Variants in DNAJC6 observed in about 807,000 individuals in gnomAD.
DNAJC6 encodes the protein DnaJ heat shock protein family (Hsp40) member C6.
In DNAJC6, 34 loss-of-function variants were observed where a neutral mutation model predicts 110.0. That is an observed-to-expected ratio of 0.31 (90% CI 0.24 to 0.41). DNAJC6 has a LOEUF of 0.41. Ranked by LOEUF, DNAJC6 falls within the 10% of genes least tolerant of loss-of-function variation. The pLI is 1.00. For synonymous variants in DNAJC6, 406 were observed against 437.2 expected (o/e 0.93, Z 0.89); for missense variants, 1,031 against 1,207.8 (o/e 0.85, Z 2.17).
At chr1:65,310,844 A>C (rs555910698) in intron 1 of DNAJC6, among the ~76,000 whole-genome samples, 1 of 152,260 alleles carries the variant, frequency 6.6e-6, no homozygotes, top group South Asian at 2.1e-4. Context: ...AGATATTTAT[A>C]ATTGAAGTCC....
At chr1:65,306,972 TTCTC>T (rs144458447), upstream of DNAJC6, among the ~76,000 whole-genome samples, 1,638 of 90,126 alleles carry the variant, frequency 0.018, 21 homozygotes, top group East Asian at 0.033. Flanking sequence ...CTCAATCTGT[TTCTC>T]TCTCTCTCTC....
chr1:65,271,811 G>A (rs1169142982), intron 1 of DNAJC6, among the ~76,000 whole-genome samples: 2 of 150,260 alleles, frequency 1.3e-5, no homozygotes, highest in East Asian at 3.9e-4. Context: ...GGAGATTGCA[G>A]TGAGCCAAGA....
At chr1:65,355,670 C>T (rs1363913009) in intron 1 of DNAJC6, among the ~76,000 whole-genome samples, 1 of 152,162 alleles carries the variant, frequency 6.6e-6, no homozygotes, top group African/African-American at 2.4e-5. Flanking sequence ...AGTCCTCCTA[C>T]CAGGCACCAG....
chr1:65,394,922 C>T lies in DNAJC6; in HGVS notation c.1928C>T (p.Ala643Val). The T allele has an allele frequency of 1.2e-6, 2 of 1,603,774 alleles. No homozygotes were observed. Among genetic ancestry groups the T allele is most frequent in the East Asian group, 2.3e-5 (1 of 44,170 alleles). Residue 643 changes from alanine to valine, a missense_variant, in exon 13 of 19, where the codon GCA (alanine) becomes GTA (valine). Transcript: ENST00000371069. Reference protein sequence around the residue: ...GEGATFDPFGAPSKPSGQDLL... With the variant: ...GEGATFDPFGVPSKPSGQDLL... Reference sequence around the variant, plus strand: ...GGTGCCACCTTTGACCCATTTGGAGCACCTTCTAAACCATCAGGTCAGGAT... The same window carrying T: ...GGTGCCACCTTTGACCCATTTGGAGTACCTTCTAAACCATCAGGTCAGGAT...
intron 1 of DNAJC6, among the ~76,000 whole-genome samples, chr1:65,343,858 C>T (rs1378896957): frequency 1.3e-5 from 2 of 152,152 alleles, no homozygotes; most frequent in African/African-American, 2.4e-5. Flanking sequence ...TGTGCCATTA[C>T]ATCTCAGACG....
In DNAJC6 at chr1:65,264,922, T is replaced by C. The variant is rs148507710; in HGVS notation, c.-141T>C. The C allele has an allele frequency of 1.2e-4, 195 of 1,613,294 alleles. No homozygotes were observed. The African/African-American group carries it at 2.3e-3, about 19-fold the overall frequency. ...GGAGGAAGCAGAGAATGAAAGATTC[T>C]GAAAATAAAGGTAAGGGGCGGACTG... On this transcript the variant is annotated 5_prime_UTR_variant, in exon 1 of 20. Transcript: ENST00000263441.
chr1:65,376,360 T>A (rs1645766760), intron 4 of DNAJC6, among the ~76,000 whole-genome samples: 2 of 152,002 alleles, frequency 1.3e-5, no homozygotes, highest in African/African-American at 4.8e-5. Flanking sequence ...TGTCGAAATT[T>A]TTTTCTTTTT....
At chr1:65,297,712 G>C (rs746272782) in intron 1 of DNAJC6, among the ~76,000 whole-genome samples, 3 of 152,182 alleles carry the variant, frequency 2.0e-5, no homozygotes, top group Non-Finnish European at 2.9e-5. Flanking sequence ...TGCCCATGTA[G>C]GACTAATAAA....
chr1:65,407,952 T>A (rs1352854547), intron 16 of DNAJC6, among the ~76,000 whole-genome samples: 1 of 152,242 alleles, frequency 6.6e-6, no homozygotes, highest in East Asian at 1.9e-4. Flanking sequence ...GGCACTGTTC[T>A]AAGCATTTTA....
intron 1 of DNAJC6, among the ~76,000 whole-genome samples, chr1:65,313,114 G>A (rs1010114031): frequency 6.6e-6 from 1 of 152,008 alleles, no homozygotes. Context: ...GTGCAGTGGT[G>A]TGATCATGGC....
intron 17 of DNAJC6, among the ~76,000 whole-genome samples, chr1:65,409,987 C>A (rs959916129): frequency 1.3e-5 from 2 of 151,924 alleles, no homozygotes; most frequent in African/African-American, 2.4e-5. Context: ...TATGGACAGG[C>A]GGATGCGGAT....
intron 5 of DNAJC6, among the ~76,000 whole-genome samples, chr1:65,380,681 T>C (rs1353651745): frequency 6.6e-6 from 1 of 152,064 alleles, no homozygotes; most frequent in South Asian, 2.1e-4. Flanking sequence ...GACAACTTGA[T>C]GGAGGAAAGA....
At chr1:65,372,746 T>A (rs1289420642) in intron 4 of DNAJC6, among the ~76,000 whole-genome samples, 2 of 152,142 alleles carry the variant, frequency 1.3e-5, no homozygotes, top group Non-Finnish European at 2.9e-5. Context: ...TGAAAAAAGC[T>A]GTAATAGATG....
intron 1 of DNAJC6, among the ~76,000 whole-genome samples, chr1:65,339,463 C>T (rs12403300): frequency 0.05 from 7,555 of 152,166 alleles, 308 homozygotes; most frequent in East Asian, 0.18. Flanking sequence ...ATAGTAATGG[C>T]GTGTACATTA....
chr1:65,385,285 G>C (rs4593866), intron 6 of DNAJC6, among the ~76,000 whole-genome samples: 102,287 of 152,114 alleles, frequency 0.67, 35,554 homozygotes, highest in African/African-American at 0.87. Flanking sequence ...AGATAACATT[G>C]ATTTTTCTTT....
intron 5 of DNAJC6, among the ~76,000 whole-genome samples, chr1:65,383,924 A>T (rs1645846287): frequency 6.6e-6 from 1 of 152,376 alleles, no homozygotes; most frequent in East Asian, 1.9e-4. Context: ...TTTGAAGATT[A>T]TATTATTTTT....
At chr1:65,380,242 C>T (rs529813349) in intron 5 of DNAJC6, among the ~76,000 whole-genome samples, 4 of 152,270 alleles carry the variant, frequency 2.6e-5, no homozygotes, top group African/African-American at 4.8e-5. Flanking sequence ...AACTTTTGTA[C>T]TGCAGGCATA....
intron 1 of DNAJC6, among the ~76,000 whole-genome samples, chr1:65,296,577 T>C (rs1311899584): frequency 6.8e-6 from 1 of 148,026 alleles, no homozygotes; most frequent in Admixed American, 7.0e-5. Context: ...ATTCATTCAT[T>C]CGACACATCT....
chr1:65,302,240 T>TCC (rs1644992470), intron 1 of DNAJC6, among the ~76,000 whole-genome samples: 2 of 98,922 alleles, frequency 2.0e-5, no homozygotes, highest in African/African-American at 4.1e-5. Context: ...ATTATATTGA[T>TCC]ATATTAATAT....
Sources: allele counts gnomAD v4.1 joint callset (sites outside exome capture counted in the v4.1 genomes callset), GRCh38; gene constraint gnomAD v4.1.1; transcripts MANE v1.5; gene names NCBI Gene and HGNC (gene_info 2026-07-23, HGNC 2026-07-21).